The following DAB1 variants were observed in gnomAD, a reference collection of about 807,000 sequenced individuals.
The protein encoded by DAB1 is DAB adaptor protein 1, also known as disabled homolog 1.
In DAB1, 15 loss-of-function variants were observed where a neutral mutation model predicts 64.6. The observed-to-expected ratio is 0.23, with a 90% confidence interval of 0.16 to 0.36. The LOEUF (loss-of-function observed/expected upper bound fraction) is 0.36. Among genes scored for constraint, DAB1 ranks in the 10% least tolerant of loss-of-function variants. DAB1 has a pLI of 1.00. For synonymous variants in DAB1, 235 were observed against 251.9 expected, an observed-to-expected ratio of 0.93 and a Z score of 0.64; for missense variants, 596 against 706.7, an observed-to-expected ratio of 0.84 and a Z score of 1.78.
intron 9 of DAB1, among the ~76,000 whole-genome samples, chr1:57,041,555 A>C (rs1478757179): frequency 1.3e-5 from 2 of 152,194 alleles, no homozygotes; most frequent in Non-Finnish European, 2.9e-5. Flanking sequence ...ATGGAATTAG[A>C]CTCGATTACT....
At chr1:57,906,936 G>GTAGATAGA (rs1557548565) in intron 5 of DAB1, among the ~76,000 whole-genome samples, 1 of 121,250 alleles carries the variant, frequency 8.2e-6, no homozygotes, top group Admixed American at 9.7e-5. Context: ...AATATAATAT[G>GTAGATAGA]CAGATAGATA....
chr1:57,677,020 T>C (rs576060178), intron 6 of DAB1, among the ~76,000 whole-genome samples: 13 of 152,218 alleles, frequency 8.5e-5, no homozygotes, highest in African/African-American at 3.1e-4. Context: ...AAGAAGGTAA[T>C]TAAGGTTAAG....
chr1:57,609,818 T>A (rs558184930), intron 7 of DAB1, among the ~76,000 whole-genome samples: 1 of 152,348 alleles, frequency 6.6e-6, no homozygotes, highest in African/African-American at 2.4e-5. Context: ...ACACTCCAGA[T>A]GTTAAAACAT....
At chr1:58,218,393 G>C (rs1400202090) in intron 4 of DAB1, among the ~76,000 whole-genome samples, 1 of 152,164 alleles carries the variant, frequency 6.6e-6, no homozygotes, top group African/African-American at 2.4e-5. Flanking sequence ...AGGGCTGAGG[G>C]TGAGGTTAAG....
At chr1:57,879,015 T>C (rs1469870831) in intron 1 of DAB1, among the ~76,000 whole-genome samples, 1 of 152,210 alleles carries the variant, frequency 6.6e-6, no homozygotes, top group Non-Finnish European at 1.5e-5. Flanking sequence ...TTGTTCTTTT[T>C]TATGGTTGAA....
chr1:58,143,174 C>T (rs1654382137), intron 5 of DAB1, among the ~76,000 whole-genome samples: 1 of 151,956 alleles, frequency 6.6e-6, no homozygotes, highest in African/African-American at 2.4e-5. Flanking sequence ...GAGAAAGTAC[C>T]CCTCACCAAA....
At chr1:58,201,995 C>G (rs867989078) in intron 4 of DAB1, among the ~76,000 whole-genome samples, 1 of 152,112 alleles carries the variant, frequency 6.6e-6, no homozygotes, top group Non-Finnish European at 1.5e-5. Context: ...AGCTCCTCAG[C>G]CCCTCCATGC....
intron 3 of DAB1, among the ~76,000 whole-genome samples, chr1:58,472,224 C>T (rs1645367280): frequency 6.6e-6 from 1 of 152,146 alleles, no homozygotes; most frequent in African/African-American, 2.4e-5. Context: ...ATTGTCTAAT[C>T]CCATGGAGTG....
At chr1:57,138,485 G>A (rs1658318646) in intron 3 of DAB1, among the ~76,000 whole-genome samples, 1 of 152,076 alleles carries the variant, frequency 6.6e-6, no homozygotes, top group Admixed American at 6.6e-5. Flanking sequence ...GCCTTTCAAA[G>A]CTGCTCCATA....
intron 1 of DAB1, among the ~76,000 whole-genome samples, chr1:57,413,112 T>A (rs1242079497): frequency 2.6e-5 from 4 of 152,204 alleles, no homozygotes; most frequent in Non-Finnish European, 5.9e-5. Context: ...CAATGAAGCC[T>A]GAATAACAGA....
chr1:57,089,448 C>T (rs530629893), intron 4 of DAB1, among the ~76,000 whole-genome samples: 5 of 152,228 alleles, frequency 3.3e-5, no homozygotes, highest in African/African-American at 2.4e-5. Flanking sequence ...CAGCAAATTT[C>T]CAGAGCAACC....
At chr1:57,354,663 C>A (rs1168889989) in intron 1 of DAB1, among the ~76,000 whole-genome samples, 3 of 152,074 alleles carry the variant, frequency 2.0e-5, no homozygotes, top group Non-Finnish European at 2.9e-5. Context: ...TGGTGTTCCA[C>A]ATGGGTCCTG....
chr1:58,205,409 T>C (rs2100275596), intron 4 of DAB1, among the ~76,000 whole-genome samples: 1 of 152,328 alleles, frequency 6.6e-6, no homozygotes, highest in Non-Finnish European at 1.5e-5. Flanking sequence ...AACTCCAGTG[T>C]TCCTCTGCAA....
chr1:57,783,048 T>TTTCC (rs3081036), intron 6 of DAB1, among the ~76,000 whole-genome samples: 67,342 of 117,892 alleles, frequency 0.57, 19,951 homozygotes, highest in South Asian at 0.62. Context: ...TCTTTCTTTC[T>TTTCC]TTCCTTCCTT....
At chr1:58,025,106 C>G (rs988839321) in intron 5 of DAB1, among the ~76,000 whole-genome samples, 6 of 151,858 alleles carry the variant, frequency 4.0e-5, no homozygotes, top group Non-Finnish European at 7.4e-5. Flanking sequence ...CTTTTTCTCT[C>G]TTTCACACAC....
chr1:57,491,488 A>G lies in DAB1; in HGVS notation n.625+158104T>C, dbSNP rs573236852. Among the ~76,000 whole-genome samples the G allele has an allele frequency of 2.0e-5, 3 of 152,322 alleles. No individual in the cohort carries two copies. The South Asian group carries it at 6.2e-4, about 32-fold the overall frequency. On this transcript the variant is annotated intron_variant and non_coding_transcript_variant, in intron 7 of 20. Coordinates refer to the DAB1 transcript ENST00000485760. ...AAAAGGATAACAATATATTTTTTAT[A>G]GAACTGTTGGAGGACAACAAATAAA...
chr1:56,999,775 C>A (rs1645774612), intron 14 of DAB1, among the ~76,000 whole-genome samples: 1 of 152,280 alleles, frequency 6.6e-6, no homozygotes, highest in South Asian at 2.1e-4. Context: ...AGACTCCTGC[C>A]ATCAGATCCA....
At chr1:57,525,129 TAA>T (rs1245830551) in intron 7 of DAB1, among the ~76,000 whole-genome samples, 1 of 152,124 alleles carries the variant, frequency 6.6e-6, no homozygotes, top group Non-Finnish European at 1.5e-5. Context: ...CATAGAGCAA[TAA>T]GTTAGTATGT....
chr1:57,021,380 TC>T (rs1410257921), intron 11 of DAB1, among the ~76,000 whole-genome samples: 1 of 152,186 alleles, frequency 6.6e-6, no homozygotes, highest in Non-Finnish European at 1.5e-5. Context: ...TTTGGCTGTG[TC>T]CCCACCCAAA....
Sources: gnomAD v4.1 joint callset for allele counts (sites outside exome capture counted in the v4.1 genomes callset) on GRCh38, gnomAD v4.1.1 for gene constraint, MANE v1.5 for transcripts, NCBI Gene and HGNC (gene_info 2026-07-23, HGNC 2026-07-21) for gene names.